CHST11: variants seen among roughly 807,000 people sequenced by gnomAD.
CHST11 encodes the protein carbohydrate sulfotransferase 11.
A neutral mutation model predicts 30.4 loss-of-function variants in CHST11; 9 were observed. That is an observed-to-expected ratio of 0.30 (90% CI 0.18 to 0.52). The LOEUF (loss-of-function observed/expected upper bound fraction) is 0.52, where lower values mean the gene tolerates loss of function less well. Among genes scored for constraint, CHST11 ranks in the 20% least tolerant of loss-of-function variants. The probability of loss-of-function intolerance (pLI) is 0.97; values close to 1 mark genes in which losing one functional copy is unlikely to be tolerated. For missense variants in CHST11, 348 were observed against 460.6 expected, an observed-to-expected ratio of 0.76 and a Z score of 2.24; for synonymous variants, 152 against 187.8, an observed-to-expected ratio of 0.81 and a Z score of 1.56.
intron 1 of CHST11, among the ~76,000 whole-genome samples, chr12:104,548,210 G>C (rs956137809): frequency 1.3e-5 from 2 of 152,256 alleles, no homozygotes; most frequent in African/African-American, 4.8e-5. Context: ...AGTAGGTGGT[G>C]CTTAGTGGTT....
intron 2 of CHST11, among the ~76,000 whole-genome samples, chr12:104,756,563 T>TGTGTGTGTG (rs2040478208): frequency 2.8e-5 from 1 of 36,184 alleles, no homozygotes; most frequent in African/African-American, 1.1e-4. Context: ...GTGTGTGTGT[T>TGTGTGTGTG]TAGAGACAGG....
chr12:104,603,545 C>T (rs1408572137), intron 2 of CHST11, among the ~76,000 whole-genome samples: 3 of 152,164 alleles, frequency 2.0e-5, no homozygotes, highest in Admixed American at 6.5e-5. Context: ...GTTCAAATCC[C>T]GGCTTCATCT....
chr12:104,664,643 C>T (rs1402851628), intron 2 of CHST11, among the ~76,000 whole-genome samples: 1 of 152,156 alleles, frequency 6.6e-6, no homozygotes, highest in African/African-American at 2.4e-5. Flanking sequence ...TGCAGACAGC[C>T]CCAGTCCCCT....
chr12:104,613,119 A>G (rs1164406347), intron 2 of CHST11, among the ~76,000 whole-genome samples: 2 of 151,904 alleles, frequency 1.3e-5, no homozygotes, highest in Non-Finnish European at 2.9e-5. Flanking sequence ...CAGGTACCCG[A>G]GAGACTGAGG....
At chr12:104,558,291 C>T (rs200366486) in intron 1 of CHST11, among the ~76,000 whole-genome samples, 2 of 152,078 alleles carry the variant, frequency 1.3e-5, no homozygotes, top group Admixed American at 6.5e-5. Flanking sequence ...TTCTTGAAAC[C>T]GAGCCCCTAG....
At chr12:104,532,259 C>T (rs2038192859) in intron 1 of CHST11, among the ~76,000 whole-genome samples, 2 of 152,160 alleles carry the variant, frequency 1.3e-5, no homozygotes, top group Admixed American at 6.5e-5. Flanking sequence ...CTTCCCTCTC[C>T]CTTTTGACTG....
chr12:104,626,695 T>C (rs2039218574), intron 2 of CHST11, among the ~76,000 whole-genome samples: 1 of 151,930 alleles, frequency 6.6e-6, no homozygotes, highest in African/African-American at 2.4e-5. Context: ...TTAATAGACT[T>C]GATTTTTTTT....
intron 2 of CHST11, among the ~76,000 whole-genome samples, chr12:104,718,714 AT>A (rs2040150890): frequency 6.6e-6 from 1 of 152,206 alleles, no homozygotes; most frequent in African/African-American, 2.4e-5. Flanking sequence ...CAGGACTGTC[AT>A]TTAGCCAGCC....
intron 1 of CHST11, among the ~76,000 whole-genome samples, chr12:104,504,764 G>T (rs147584519): frequency 0.028 from 4,329 of 152,190 alleles, 79 homozygotes; most frequent in South Asian, 0.084. Context: ...CCAGGAGTTG[G>T]AGACCAGCCT....
At chr12:104,721,730 G>A (rs753907995) in intron 2 of CHST11, among the ~76,000 whole-genome samples, 6 of 152,078 alleles carry the variant, frequency 3.9e-5, no homozygotes, top group Non-Finnish European at 7.4e-5. Flanking sequence ...AAAATAGATC[G>A]TTTCACTGAA....
intron 1 of CHST11, among the ~76,000 whole-genome samples, chr12:104,479,456 AC>A (rs1428947459): frequency 1.3e-5 from 2 of 152,172 alleles, no homozygotes; most frequent in African/African-American, 2.4e-5. Context: ...TGCCTGTCCT[AC>A]AGCAAGTGTT....
Position 104,757,225 on chromosome 12 carries a change from C to T in CHST11, c.481C>T (p.Leu161=), listed in dbSNP as rs1269363863. The T allele has an allele frequency of 6.2e-6, 10 of 1,614,030 alleles. No individual in the cohort carries two copies. The Admixed American group carries it at 1.3e-4, about 22-fold the overall frequency. ...CAACGAGGCACACGTCTCCGCCAAC[C>T]TGAAGACCCTGAACCAGTACAGCAT... The part of the protein sequence containing the change: ...PANEAHVSAN[L]KTLNQYSIPE... The change falls in exon 3 of 3, where the codon CTG becomes TTG. Residue 161 remains leucine, a synonymous_variant. Transcript: ENST00000303694. This position sits in a 1 kb window ranked among gnomAD's most constrained non-coding sequence, Gnocchi z 6.5.
chr12:104,640,447 A>C (rs369075365), intron 2 of CHST11, among the ~76,000 whole-genome samples: 1 of 152,238 alleles, frequency 6.6e-6, no homozygotes, highest in Admixed American at 6.5e-5. Flanking sequence ...CCTGAAGTGC[A>C]TATTACTAAG....
At chr12:104,564,943 A>G (rs186765541) in intron 1 of CHST11, among the ~76,000 whole-genome samples, 2 of 152,318 alleles carry the variant, frequency 1.3e-5, no homozygotes, top group Admixed American at 6.5e-5. Context: ...ACTCACTATC[A>G]TGAGAACAGC....
intron 1 of CHST11, among the ~76,000 whole-genome samples, chr12:104,556,693 T>A (rs1714140475): frequency 6.6e-6 from 1 of 152,160 alleles, no homozygotes; most frequent in African/African-American, 2.4e-5. Flanking sequence ...GATTTCCCTC[T>A]TCTTGGGCTG....
intron 2 of CHST11, among the ~76,000 whole-genome samples, chr12:104,645,532 G>C (rs543300162): frequency 2.0e-5 from 3 of 152,318 alleles, no homozygotes; most frequent in East Asian, 1.9e-4. Flanking sequence ...GGGCACCGCA[G>C]TTGTCTTTAT....
Position 104,550,372 on chromosome 12 carries a change from T to C in CHST11, c.119-51534T>C, listed in dbSNP as rs11835991. On this transcript the variant is annotated intron_variant, in intron 1 of 2. Transcript: ENST00000303694. ...ATCTTTCTCTGAGCAGAATGGAAAA[T>C]GTCCTGCTTTGAAAACCTTGCCTTG... Among the ~76,000 whole-genome samples the C allele has an allele frequency of 4.1e-3, 631 of 152,290 alleles. 6 individuals are homozygous for C. The highest frequency in any genetic ancestry group is 0.014 in the African/African-American group (593 of 41,562).
At chr12:104,723,695 A>G (rs993082375) in intron 2 of CHST11, among the ~76,000 whole-genome samples, 1 of 152,192 alleles carries the variant, frequency 6.6e-6, no homozygotes, top group African/African-American at 2.4e-5. Context: ...CACCCTGGCC[A>G]GGTACCCCTA....
chr12:104,548,455 C>T (rs1205448393), intron 1 of CHST11, among the ~76,000 whole-genome samples: 1 of 151,944 alleles, frequency 6.6e-6, no homozygotes, highest in Admixed American at 6.6e-5. Flanking sequence ...TGAGTTGGTA[C>T]AATCCAGCCG....
Sources: allele counts gnomAD v4.1 joint callset (sites outside exome capture counted in the v4.1 genomes callset), GRCh38; gene constraint gnomAD v4.1.1; non-coding constraint Gnocchi (gnomAD v3.1); transcripts MANE v1.5; gene names NCBI Gene and HGNC (gene_info 2026-07-23, HGNC 2026-07-21).